DENND5B: variants seen among roughly 807,000 people sequenced by gnomAD.
DENND5B encodes the protein DENN domain containing 5B, also known as DENN domain-containing protein 5B.
Under a neutral mutation model 140.6 loss-of-function variants are expected in DENND5B, and 34 were observed. The ratio of observed to expected loss-of-function variants is 0.24; its 90% CI spans 0.18 to 0.32. The LOEUF (loss-of-function observed/expected upper bound fraction) is 0.32. Among genes scored for constraint, DENND5B ranks in the 10% least tolerant of loss-of-function variants. DENND5B has a pLI of 1.00. For missense variants in DENND5B, 1,142 were observed against 1,560.2 expected (o/e 0.73, Z 4.52); for synonymous variants, 551 against 562.1 (o/e 0.98, Z 0.28).
At chr12:31,394,331 A>G (rs1444330072) in intron 17 of DENND5B, among the ~76,000 whole-genome samples, 1 of 152,072 alleles carries the variant, frequency 6.6e-6, no homozygotes, top group African/African-American at 2.4e-5. Context: ...GGTCATTTAG[A>G]CTTTTCTGCT....
chr12:31,392,125 TA>T, intron 19 of DENND5B, 141 bp downstream of exon 19: 2 of 831,228 alleles, frequency 2.4e-6, no homozygotes, highest in Non-Finnish European at 3.3e-6. Flanking sequence ...GGCAACAGAG[TA>T]AGATTCCGTC....
intron 4 of DENND5B, 57 bp from the exon 5 acceptor site, chr12:31,452,533 A>G: frequency 2.0e-6 from 3 of 1,496,484 alleles, no homozygotes; most frequent in Non-Finnish European, 8.9e-7. Context: ...ATGTGCTAAC[A>G]TATTCTTGCC....
intron 3 of DENND5B, among the ~76,000 whole-genome samples, chr12:31,467,470 A>C (rs1945321974): frequency 6.6e-6 from 1 of 151,930 alleles, no homozygotes; most frequent in East Asian, 1.9e-4. Flanking sequence ...ACAAAAAGAA[A>C]AAAAAAAAGT....
intron 2 of DENND5B, among the ~76,000 whole-genome samples, chr12:31,493,536 A>G (rs1946614063): frequency 6.6e-6 from 1 of 152,096 alleles, no homozygotes; most frequent in South Asian, 2.1e-4. Context: ...TCTACTAAAA[A>G]TGCAAAAATG....
intron 1 of DENND5B, among the ~76,000 whole-genome samples, chr12:31,521,841 C>T (rs1344137007): frequency 1.3e-5 from 2 of 152,194 alleles, no homozygotes; most frequent in Admixed American, 6.5e-5. Flanking sequence ...TCCCTATCAA[C>T]CAGACTCCAT....
intron 2 of DENND5B, among the ~76,000 whole-genome samples, chr12:31,489,211 T>C (rs988446076): frequency 5.3e-5 from 8 of 152,310 alleles, no homozygotes; most frequent in Middle Eastern, 3.4e-3. Flanking sequence ...TCTGTGTATG[T>C]GTATATACAC....
intron 1 of DENND5B, among the ~76,000 whole-genome samples, chr12:31,576,242 A>G (rs1950013726): frequency 6.6e-6 from 1 of 151,972 alleles, no homozygotes; most frequent in Admixed American, 6.6e-5. Context: ...ATTTGAGGTC[A>G]GGAGTTCCAG....
chr12:31,392,211 G>A, intron 19 of DENND5B, 56 bp downstream of exon 19: 1 of 1,595,154 alleles, frequency 6.3e-7, no homozygotes, highest in Admixed American at 1.7e-5. Flanking sequence ...CTGGGTCTTT[G>A]AGTTCCTAAG....
At chr12:31,501,703 G>A (rs1386735823) in intron 1 of DENND5B, among the ~76,000 whole-genome samples, 2 of 151,348 alleles carry the variant, frequency 1.3e-5, no homozygotes, top group Non-Finnish European at 2.9e-5. Flanking sequence ...AACCCGGGAG[G>A]TGGAGGCTGC....
At chr12:31,461,995 T>C (rs1052103332) in intron 3 of DENND5B, among the ~76,000 whole-genome samples, 1 of 152,328 alleles carries the variant, frequency 6.6e-6, no homozygotes, top group East Asian at 1.9e-4. Flanking sequence ...ACCTTTTTGG[T>C]AATGAATCAT....
At position 31,590,859 on chromosome 12, in the gene DENND5B, C is replaced by T; in HGVS notation, c.-27G>A. ...CCGGCCGCGCTGCTCCAGGGGCCGC[C>T]GCCGCCGCCGCCCGGGAAGGCTTTC... is the stretch of plus-strand genomic sequence containing the variant. On this transcript the variant is annotated 5_prime_UTR_variant, in exon 1 of 21. Transcript: ENST00000389082. The T allele has an allele frequency of 8.4e-7, 1 of 1,196,470 alleles. No individual in the cohort carries two copies. The highest frequency in any genetic ancestry group is 1.0e-6 in the Non-Finnish European group (1 of 968,196). 74.1% of individuals were successfully genotyped at this position (1,196,470 alleles called of 1,614,324 possible).
chr12:31,490,163 TA>T (rs1344219328), intron 2 of DENND5B, among the ~76,000 whole-genome samples: 2 of 151,126 alleles, frequency 1.3e-5, no homozygotes, highest in African/African-American at 4.9e-5. Flanking sequence ...GTGGGACGAA[TA>T]ATGAATTCAG....
intron 1 of DENND5B, among the ~76,000 whole-genome samples, chr12:31,554,101 T>C (rs1427444062): frequency 2.0e-5 from 3 of 152,246 alleles, no homozygotes; most frequent in Admixed American, 2.0e-4. Flanking sequence ...TTTGATCCTG[T>C]CATTATGATG....
At chr12:31,492,155 C>T (rs1946550079) in intron 2 of DENND5B, among the ~76,000 whole-genome samples, 1 of 152,078 alleles carries the variant, frequency 6.6e-6, no homozygotes, top group Admixed American at 6.6e-5. Flanking sequence ...TGGTGCTTAA[C>T]CATCAAAACA....
At chr12:31,571,673 C>T (rs1949827593) in intron 1 of DENND5B, among the ~76,000 whole-genome samples, 1 of 152,054 alleles carries the variant, frequency 6.6e-6, no homozygotes, top group Non-Finnish European at 1.5e-5. Flanking sequence ...GCTGGAGTGC[C>T]ATGGCACGTT....
At chr12:31,409,424 A>AT in intron 13 of DENND5B, 40 bp from the exon 14 acceptor site, 8 of 1,431,606 alleles carry the variant, frequency 5.6e-6, no homozygotes, top group Middle Eastern at 1.9e-4. Flanking sequence ...GTAGTATCAA[A>AT]GAAAAAAAAA....
At chr12:31,554,390 C>T (rs1161457966) in intron 1 of DENND5B, among the ~76,000 whole-genome samples, 2 of 152,114 alleles carry the variant, frequency 1.3e-5, no homozygotes, top group Non-Finnish European at 2.9e-5. Flanking sequence ...TGAATATTGG[C>T]CCCCACTCTC....
intron 1 of DENND5B, among the ~76,000 whole-genome samples, chr12:31,562,454 T>C (rs1424995204): frequency 2.6e-5 from 4 of 151,810 alleles, no homozygotes; most frequent in Non-Finnish European, 5.9e-5. Context: ...CTAATACAAA[T>C]ACAAAATTAG....
intron 5 of DENND5B, among the ~76,000 whole-genome samples, chr12:31,448,844 T>C (rs1944387182): frequency 7.2e-6 from 1 of 139,502 alleles, no homozygotes; most frequent in South Asian, 2.3e-4. Context: ...AAACCGCATT[T>C]CCAAAAAAAC....
Sources: gnomAD v4.1 joint callset for allele counts (sites outside exome capture counted in the v4.1 genomes callset) on GRCh38, gnomAD v4.1.1 for gene constraint, MANE v1.5 for transcripts, NCBI Gene and HGNC (gene_info 2026-07-23, HGNC 2026-07-21) for gene names.